Variants in AP1G2 observed in about 807,000 individuals in gnomAD.
The protein encoded by AP1G2 is adaptor related protein complex 1 subunit gamma 2, also known as AP-1 complex subunit gamma-like 2.
A neutral mutation model predicts 95.8 loss-of-function variants in AP1G2; 85 were observed. That is an observed-to-expected ratio of 0.89 (90% CI 0.74 to 1.06). The LOEUF (loss-of-function observed/expected upper bound fraction) is 1.06, where lower values mean the gene tolerates loss of function less well. Ranked by LOEUF, AP1G2 falls within the 50% of genes least tolerant of loss-of-function variation. The pLI, the probability that AP1G2 is intolerant of heterozygous loss-of-function variation, is 0.00. For synonymous variants in AP1G2, 378 were observed against 400.0 expected (o/e 0.94, Z 0.66); for missense variants, 967 against 1,005.8 (o/e 0.96, Z 0.52).
At chr14:23,563,341 G>A (rs1359002034) in intron 14 of AP1G2, 39 bp downstream of exon 14, 3 of 1,559,044 alleles carry the variant, frequency 1.9e-6, no homozygotes, top group Non-Finnish European at 2.6e-6. Context: ...GCAAGGGAGT[G>A]GTTGGGCAGC....
Position 23,564,552 on chromosome 14 carries a change from G to A in AP1G2, c.921+10C>T, listed in dbSNP as rs1462621040. On this transcript the variant is annotated intron_variant, in intron 9 of 21. Transcript: ENST00000397120. The stretch of plus-strand genomic sequence containing the variant: ...CGGGGCCGTAGTGGGAGAGGCATAA[G>A]GGGTGATACCCGTAGGCCAGCTGCA... 6.2e-7 allele frequency: 1 copy of A among 1,612,874 alleles called. No homozygotes were observed. The highest frequency in any genetic ancestry group is 1.7e-5 in the Admixed American group (1 of 60,018).
At position 23,567,695 on chromosome 14, in the gene AP1G2, GCAGCGGCAGCGA is replaced by G. The variant is rs1341421140; in HGVS notation, c.-6+32_-6+43del. The G allele has an allele frequency of 5.8e-6, 6 of 1,039,092 alleles. No homozygotes were observed. Among genetic ancestry groups the G allele is most frequent in the Non-Finnish European group, 6.9e-6 (6 of 863,584 alleles). The allele number at this position is 1,039,092 out of a possible 1,614,324, so 64.4% of individuals were successfully genotyped here. On this transcript the variant is annotated intron_variant, in intron 1 of 21. Coordinates refer to ENST00000397120, the MANE Select transcript of AP1G2 (RefSeq NM_003917.5). This position sits in a 1 kb window ranked among gnomAD's most constrained non-coding sequence, Gnocchi z 5.3. Reference sequence around the variant, plus strand: ...CCCCCGATTTCCATCTCAGGCAGCGGCAGCGGCAGCGACAGCCTGCCTACCCCAGGACTCCAG... The same window carrying G: ...CCCCCGATTTCCATCTCAGGCAGCGGCAGCCTGCCTACCCCAGGACTCCAG...
At chr14:23,562,803 T>G in intron 14 of AP1G2, 1 of 601,830 alleles carries the variant, frequency 1.7e-6, no homozygotes, top group Non-Finnish European at 2.8e-6. Flanking sequence ...GTGTCTGAGG[T>G]CCCCTCCTCA....
rs1295590955 is a variant in AP1G2 at position 23,560,031 on chromosome 14, G to A, written c.2163C>T (p.Leu721=). 2 of 1,603,472 alleles carry A rather than the reference G, an allele frequency of 1.2e-6. No individual in the cohort carries two copies. Among genetic ancestry groups the A allele is most frequent in the Non-Finnish European group, 1.7e-6 (2 of 1,172,752 alleles). Residue 721 remains leucine (L), a synonymous_variant, in exon 21 of 22, where the codon CTC becomes CTT. Transcript: ENST00000397120. The part of the protein sequence containing the change: ...FICQAAVPKS[L]QLQLQAPSGN... ...CACTGGGGGCCTGCAGCTGCAGCTG[G>A]AGACTCTGAACACAGGAGTTTAACA...
At position 23,560,428 on chromosome 14, in the gene AP1G2, G is replaced by A. The variant is rs1004559264; in HGVS notation, c.1994-10C>T. 2 of 1,609,840 alleles carry A rather than the reference G, an allele frequency of 1.2e-6. No individual in the cohort carries two copies. The highest frequency in any genetic ancestry group is 2.2e-5 in the East Asian group (1 of 44,784). ...AGATCTGGGATGGGAGCTGGAGTAG[G>A]GAGACAGAAGCAGCTCAGTGTGCAG... On this transcript the variant is annotated splice_polypyrimidine_tract_variant and intron_variant, in intron 19 of 21. Transcript: ENST00000397120.
intron 7 of AP1G2, 76 bp from the exon 8 acceptor site, chr14:23,565,275 A>T: frequency 8.9e-6 from 13 of 1,457,944 alleles, no homozygotes; most frequent in Non-Finnish European, 1.2e-5. Context: ...GAAAACTCCA[A>T]CATGTGAGGG....
rs765403746 is a variant in AP1G2, at chr14:23,566,357, C to A, written c.392G>T (p.Gly131Val). ...GLALCTLSTM[G>V]SAEMCRDLAP... Reference sequence around the variant, plus strand: ...CAGGTCTCGGCACATCTCAGCAGAGCCCATGGTGCTCAAAGTGCACAAGGC... The same window carrying A: ...CAGGTCTCGGCACATCTCAGCAGAGACCATGGTGCTCAAAGTGCACAAGGC... Residue 131 changes from glycine (G) to valine (V), a missense_variant, in exon 4 of 22, where the codon GGC (glycine) becomes GTC (valine). Coordinates refer to ENST00000397120, the MANE Select transcript of AP1G2 (RefSeq NM_003917.5). 1.2e-6 allele frequency: 2 copies of A among 1,614,052 alleles called. No individual in the cohort carries two copies. Among genetic ancestry groups the A allele is most frequent in the East Asian group, 2.2e-5 (1 of 44,884 alleles).
rs1179035888 is a variant in AP1G2 at position 23,564,339 on chromosome 14, T to G, written c.971A>C (p.Asn324Thr). 9 of 1,614,074 alleles carry G rather than the reference T, an allele frequency of 5.6e-6. No homozygotes were observed. The highest frequency in any genetic ancestry group is 5.9e-6 in the Non-Finnish European group (7 of 1,180,038). The change falls in exon 10 of 22, where the codon AAC becomes ACC. Residue 324 changes from asparagine to threonine, a missense_variant. Asn to Thr is a moderately conservative substitution (Grantham distance 65). Transcript: ENST00000397120. ...LGRFLLNSDRNIRYVALTSLL... is the reference protein window; with the variant it reads ...LGRFLLNSDRTIRYVALTSLL... ...AGACAGTTGGGACTATTACCTAATGTTCCTGTCACTGTTGAGTAGGAAGCG... is the reference window on the plus strand; with the variant it reads ...AGACAGTTGGGACTATTACCTAATGGTCCTGTCACTGTTGAGTAGGAAGCG...
At chr14:23,563,908 T>C in intron 11 of AP1G2, 52 bp from the exon 12 acceptor site, 6 of 1,604,466 alleles carry the variant, frequency 3.7e-6, no homozygotes, top group Non-Finnish European at 5.1e-6. Context: ...TCCTGGTCCA[T>C]GCCTCAGGCC....
Position 23,559,853 on chromosome 14 carries a change from AG to A in AP1G2, c.2257-4del. ...CGCAGCTTTAGCCGCAGGGGGGCCT[AG>A]GAATAGGAGAGCAGGGACCAGGGTT... On this transcript the variant is annotated splice_polypyrimidine_tract_variant and splice_region_variant and intron_variant, in intron 21 of 21. Transcript: ENST00000397120. 1 of 1,614,060 alleles carries A rather than the reference AG, an allele frequency of 6.2e-7. No individual in the cohort carries two copies. Among genetic ancestry groups the A allele is most frequent in the Non-Finnish European group, 8.5e-7 (1 of 1,180,004 alleles).
At position 23,560,005 on chromosome 14, in the gene AP1G2, C is replaced by T. The variant is rs778626342; in HGVS notation, c.2189G>A (p.Gly730Glu). 12 of 1,611,282 alleles carry T rather than the reference C, an allele frequency of 7.4e-6. No homozygotes were observed. The South Asian group carries it at 1.3e-4, about 18-fold the overall frequency. ...SLQLQLQAPSGNTVPARGGLP... is the reference protein window; with the variant it reads ...SLQLQLQAPSENTVPARGGLP... ...GCCACCCCGAGCTGGAACTGTGTTC[C>T]CACTGGGGGCCTGCAGCTGCAGCTG... The change falls in exon 21 of 22, where the codon GGG becomes GAG. Residue 730 changes from glycine to glutamate, a missense_variant. Coordinates refer to ENST00000397120, the MANE Select transcript of AP1G2 (RefSeq NM_003917.5).
intron 2 of AP1G2, 56 bp from the exon 3 acceptor site, chr14:23,566,742 A>T (rs960781496): frequency 1.3e-6 from 2 of 1,594,476 alleles, no homozygotes; most frequent in African/African-American, 2.7e-5. Flanking sequence ...AGACACTCAC[A>T]TCCCTGTTCC....
rs780333938 is a variant in AP1G2 at position 23,564,133 on chromosome 14, C to T, written c.1004G>A (p.Arg335Gln). 2.6e-5 allele frequency: 42 copies of T among 1,613,964 alleles called. 1 individual carries two copies. The South Asian group carries it at 2.7e-4, about 11-fold the overall frequency. ...AGCACTGTGATCAGACTGCACCAGT[C>T]GAAGCAGTGATGTCAGGGCTACATA... ...IRYVALTSLL[R>Q]LVQSDHSAVQ... Residue 335 changes from arginine to glutamine, a missense_variant, in exon 11 of 22, where the codon CGA becomes CAA. By Grantham distance (43) the Arg-to-Gln change is conservative (BLOSUM62 1). Transcript: ENST00000397120.
At position 23,565,634 on chromosome 14, in the gene AP1G2, A is replaced by T; in HGVS notation, c.713T>A (p.Ile238Lys). ...CAGGAAGGGGTCGCTGACTCCAGAT[A>T]TGCTGTGTTCTGTGGAGTATCCCAT... ...VTMGYSTEHS[I>K]SGVSDPFLQV... The change falls in exon 7 of 22, where the codon ATA becomes AAA. Residue 238 changes from isoleucine to lysine, a missense_variant. Physicochemically the swap from Ile to Lys is moderately radical, Grantham distance 102 (BLOSUM62 -3). Coordinates refer to ENST00000397120, the MANE Select transcript of AP1G2 (RefSeq NM_003917.5). The T allele has an allele frequency of 6.2e-7, 1 of 1,614,132 alleles. No individual in the cohort carries two copies. Among genetic ancestry groups the T allele is most frequent in the Non-Finnish European group, 8.5e-7 (1 of 1,180,000 alleles).
intron 2 of AP1G2, 136 bp from the exon 3 acceptor site, chr14:23,566,822 G>C: frequency 7.6e-7 from 1 of 1,321,334 alleles, no homozygotes; most frequent in Non-Finnish European, 1.0e-6. Flanking sequence ...AACAAGAGGA[G>C]AAGCTTAGGA....
intron 16 of AP1G2, 53 bp from the exon 17 acceptor site, chr14:23,562,119 G>C: frequency 6.2e-7 from 1 of 1,603,820 alleles, no homozygotes; most frequent in Non-Finnish European, 8.5e-7. Flanking sequence ...TGCAGGATGT[G>C]GCAAGAAGGA....
At chr14:23,561,464 T>C (rs1595271407) in intron 18 of AP1G2, 33 bp from the exon 19 acceptor site, 1 of 1,613,982 alleles carries the variant, frequency 6.2e-7, no homozygotes. Context: ...CAGGGCTGGG[T>C]ATGAAGCTCA....
Position 23,562,481 on chromosome 14 carries a change from GTGT to G in AP1G2, c.1500+20_1500+22del. The G allele has an allele frequency of 6.2e-7, 1 of 1,609,952 alleles. No homozygotes were observed. Among genetic ancestry groups the G allele is most frequent in the African/African-American group, 1.3e-5 (1 of 74,928 alleles). ...TGTCCCCCTGACAAGTCCCTCCTCA[GTGT>G]ACCCCCAATGAGGTCTCACCTGAAG... On this transcript the variant is annotated intron_variant, in intron 15 of 21. Coordinates refer to ENST00000397120, the MANE Select transcript of AP1G2 (RefSeq NM_003917.5).
intron 14 of AP1G2, chr14:23,563,163 G>GTACATGGAGCAT (rs1885941291): frequency 7.0e-7 from 1 of 1,425,966 alleles, no homozygotes; most frequent in African/African-American, 1.4e-5. Flanking sequence ...GAGCATAAGG[G>GTACATGGAGCAT]AAGTTAGTCA....
Sources: gnomAD v4.1 joint callset for allele counts on GRCh38, gnomAD v4.1.1 for gene constraint, Gnocchi (gnomAD v3.1) non-coding constraint, MANE v1.5 for transcripts, NCBI Gene and HGNC (gene_info 2026-07-23, HGNC 2026-07-21) for gene names.